Variants in CLPSL1 observed in about 807,000 individuals in gnomAD.
CLPSL1 encodes colipase-like protein 1.
Under a neutral mutation model 9.3 loss-of-function variants are expected in CLPSL1, and 13 were observed. The ratio of observed to expected loss-of-function variants is 1.40; its 90% confidence interval spans 0.91 to 2.22. The LOEUF (loss-of-function observed/expected upper bound fraction) is 2.22. CLPSL1 is among the 30% of genes most tolerant of loss of function. The probability of loss-of-function intolerance (pLI) is 0.00; values close to 1 mark genes in which losing one functional copy is unlikely to be tolerated. For synonymous variants in CLPSL1, 58 were observed against 56.9 expected (o/e 1.02, Z -0.08); for missense variants, 164 against 146.6 (o/e 1.12, Z -0.61).
downstream of CLPSL1, among the ~76,000 whole-genome samples, chr6:35,791,320 C>T (rs905507734): frequency 3.3e-5 from 5 of 152,254 alleles, no homozygotes; most frequent in African/African-American, 9.6e-5. Flanking sequence ...GTTGAAAATA[C>T]GTTTAATAGG....
downstream of CLPSL1, among the ~76,000 whole-genome samples, chr6:35,789,353 T>G (rs1244824188): frequency 6.6e-6 from 1 of 152,264 alleles, no homozygotes; most frequent in Non-Finnish European, 1.5e-5. Context: ...AAGGATAGTC[T>G]TTTCAATAAA....
chr6:35,783,806 C>CAAAAAA (rs778575275), intron 1 of CLPSL1, among the ~76,000 whole-genome samples: 2 of 106,092 alleles, frequency 1.9e-5, no homozygotes, highest in Non-Finnish European at 3.9e-5. Context: ...ACTCTATCTC[C>CAAAAAA]AAAAAAAAAA....
rs189055425 is a variant in CLPSL1 at position 35,787,122 on chromosome 6, T to G, written c.222+2T>G. 4 of 1,611,390 alleles carry G rather than the reference T, an allele frequency of 2.5e-6. No homozygotes were observed. In the African/African-American group the frequency reaches 5.3e-5, roughly 22 times the overall value. On this transcript the variant is annotated splice_donor_variant, in intron 2 of 2. Coordinates refer to ENST00000373861, the MANE Select transcript of CLPSL1 (RefSeq NM_001010886.5). LOFTEE classifies it high-confidence loss of function. ...GAGGGCAGTCTGTGTCAAACGCAGG[T>G]GGGTATCGCCGCCCGGGGGGAGCCA... is the stretch of plus-strand genomic sequence containing the variant.
chr6:35,785,582 C>G (rs1399972897), intron 1 of CLPSL1, among the ~76,000 whole-genome samples: 1 of 152,134 alleles, frequency 6.6e-6, no homozygotes, highest in Non-Finnish European at 1.5e-5. Flanking sequence ...TTGCTTCTCT[C>G]TGGCCCCTGC....
chr6:35,783,796 A>G (rs1472291439), intron 1 of CLPSL1, among the ~76,000 whole-genome samples: 1 of 138,934 alleles, frequency 7.2e-6, no homozygotes, highest in African/African-American at 2.8e-5. Flanking sequence ...CGACGGCGAG[A>G]CTCTATCTCC....
rs1010054893 is a variant in CLPSL1 at position 35,781,199 on chromosome 6, A to G, written c.89A>G (p.Tyr30Cys). 6.2e-7 allele frequency: 1 copy of G among 1,613,768 alleles called. No homozygotes were observed. Among genetic ancestry groups the G allele is most frequent in the Non-Finnish European group, 8.5e-7 (1 of 1,179,736 alleles). ...AGGGGCTCACTTTCTCCAACAAAAT[A>G]CAACCTTTTGGTAAGAAAGCTGGAG... ...LTRGSLSPTK[Y>C]NLLELKESCI... is the part of the protein sequence containing the mutation. The change falls in exon 1 of 3, where the codon TAC (tyrosine) becomes TGC (cysteine). Residue 30 changes from tyrosine to cysteine, a missense_variant. Tyr to Cys is a radical substitution (Grantham distance 194). Transcript: ENST00000373861.
chr6:35,793,821 T>C (rs1271250872), downstream of CLPSL1: 1 of 341,748 alleles, frequency 2.9e-6, no homozygotes, highest in Admixed American at 3.9e-5. Flanking sequence ...TCCCTCACTC[T>C]CTGTGGGAAT....
downstream of CLPSL1, chr6:35,788,223 G>A (rs551633648): frequency 1.2e-5 from 7 of 567,684 alleles, no homozygotes; most frequent in South Asian, 1.1e-4. Context: ...TGGGGGGTGG[G>A]GAGGTGATAT....
Position 35,781,024 on chromosome 6 carries a change from G to A in CLPSL1, c.-87G>A. Reference sequence around the variant, plus strand: ...CGGGGTTGGGTGCTGGTTTTACATGGTGTTCCCACAGCTGGGAGGACACCC... The same window carrying A: ...CGGGGTTGGGTGCTGGTTTTACATGATGTTCCCACAGCTGGGAGGACACCC... On this transcript the variant is annotated 5_prime_UTR_variant, in exon 1 of 3. In the 5' UTR this introduces an upstream ATG that the reference lacks. Transcript: ENST00000373861. 2 of 1,566,924 alleles carry A rather than the reference G, an allele frequency of 1.3e-6. No individual in the cohort carries two copies. Among genetic ancestry groups the A allele is most frequent in the South Asian group, 2.4e-5 (2 of 83,758 alleles).
chr6:35,786,072 C>G (rs1486995457), intron 1 of CLPSL1, among the ~76,000 whole-genome samples: 4 of 152,042 alleles, frequency 2.6e-5, no homozygotes, highest in Non-Finnish European at 5.9e-5. Context: ...CGAGACCAGC[C>G]TGGCCAGCAT....
chr6:35,790,390 A>T (rs905176174), downstream of CLPSL1, among the ~76,000 whole-genome samples: 2 of 152,278 alleles, frequency 1.3e-5, no homozygotes, highest in African/African-American at 4.8e-5. Flanking sequence ...TGCTGACATG[A>T]CTAAACTGGT....
In CLPSL1 at chr6:35,786,937, C is replaced by T. The variant is rs184542858; in HGVS notation, c.100-61C>T. 9.4e-4 allele frequency: 1,435 copies of T among 1,534,128 alleles called. 1 individual carries two copies. The highest frequency in any genetic ancestry group is 4.6e-3 in the South Asian group (382 of 83,418). On this transcript the variant is annotated intron_variant, in intron 1 of 2. Coordinates refer to ENST00000373861, the MANE Select transcript of CLPSL1 (RefSeq NM_001010886.5). The stretch of plus-strand genomic sequence containing the variant: ...AGCCCCGTAGGGAGAAAGCCCCAGG[C>T]GGGGCGGCGAGGGCGGAAGGCGGGC...
At chr6:35,791,816 C>T (rs925629560), downstream of CLPSL1, among the ~76,000 whole-genome samples, 6 of 152,080 alleles carry the variant, frequency 3.9e-5, no homozygotes, top group Non-Finnish European at 2.9e-5. Flanking sequence ...ACCTATAATC[C>T]TAGCACTTTC....
intron 2 of CLPSL1, 115 bp downstream of exon 2, chr6:35,787,235 T>C: frequency 3.1e-6 from 4 of 1,274,730 alleles, no homozygotes; most frequent in Non-Finnish European, 4.4e-6. Flanking sequence ...CCCTGGAGCC[T>C]GGAATTCCCC....
At chr6:35,793,779 G>A, downstream of CLPSL1, 1 of 351,820 alleles carries the variant, frequency 2.8e-6, no homozygotes, top group Non-Finnish European at 5.6e-6. Context: ...TCCTGGGGCT[G>A]GGACGACATC....
chr6:35,793,459 ACT>A (rs1337433983), intron 1 of CLPSL1: 1 of 469,848 alleles, frequency 2.1e-6, no homozygotes, highest in African/African-American at 2.0e-5. Flanking sequence ...GCAAGAAGAA[ACT>A]CTCTGCTCCT....
rs527272870 is a variant in CLPSL1, at chr6:35,787,139, G to C, written c.222+19G>C. ...AACGCAGGTGGGTATCGCCGCCCGG[G>C]GGGAGCCAGAGGGGATCCAGGGGAA... On this transcript the variant is annotated intron_variant, in intron 2 of 2. Coordinates refer to ENST00000373861, the MANE Select transcript of CLPSL1 (RefSeq NM_001010886.5). 6.2e-7 allele frequency: 1 copy of C among 1,610,536 alleles called. No homozygotes were observed. Among genetic ancestry groups the C allele is most frequent in the East Asian group, 2.2e-5 (1 of 44,752 alleles).
downstream of CLPSL1, among the ~76,000 whole-genome samples, chr6:35,791,705 C>A (rs1054394088): frequency 1.3e-5 from 2 of 151,906 alleles, no homozygotes; most frequent in Admixed American, 6.6e-5. Flanking sequence ...TTGAGGTGGG[C>A]GGATTGCTTG....
At chr6:35,791,044 CA>C (rs61127901), downstream of CLPSL1, among the ~76,000 whole-genome samples, 316 of 114,700 alleles carry the variant, frequency 2.8e-3, no homozygotes, top group Non-Finnish European at 3.3e-3. Flanking sequence ...GACTCTGTCT[CA>C]AAAAAAAAAA....
Sources: allele counts gnomAD v4.1 joint callset (sites outside exome capture counted in the v4.1 genomes callset), GRCh38; gene constraint gnomAD v4.1.1; transcripts MANE v1.5; gene names NCBI Gene and HGNC (gene_info 2026-07-23, HGNC 2026-07-21).